PSMA1: variants seen among roughly 807,000 people sequenced by gnomAD.
The protein encoded by PSMA1 is proteasome 20S subunit alpha 1, also known as proteasome subunit alpha type-1.
In PSMA1, 3 loss-of-function variants were observed where a neutral mutation model predicts 38.4. The ratio of observed to expected loss-of-function variants is 0.08; its 90% CI spans 0.04 to 0.20. The LOEUF is 0.20. Ranked by LOEUF, PSMA1 falls within the 10% of genes least tolerant of loss-of-function variation. The probability of loss-of-function intolerance (pLI) is 1.00; values close to 1 mark genes in which losing one functional copy is unlikely to be tolerated. For missense variants in PSMA1, 227 were observed against 325.3 expected (o/e 0.70, Z 2.32); for synonymous variants, 101 against 107.1 (o/e 0.94, Z 0.35).
At chr11:14,507,233 A>T (rs1851258670) in intron 9 of PSMA1, among the ~76,000 whole-genome samples, 1 of 150,704 alleles carries the variant, frequency 6.6e-6, no homozygotes. Context: ...CAGTGGTAGG[A>T]TCTCAGCTCA....
At chr11:14,513,507 T>C in intron 7 of PSMA1, 63 bp downstream of exon 7, 1 of 1,304,114 alleles carries the variant, frequency 7.7e-7, no homozygotes, top group Non-Finnish European at 9.8e-7. Flanking sequence ...ATACTATGTT[T>C]ATTTACTATA....
chr11:14,537,999 G>A (rs935413143), intron 2 of PSMA1, among the ~76,000 whole-genome samples: 2 of 152,052 alleles, frequency 1.3e-5, no homozygotes, highest in African/African-American at 4.8e-5. Flanking sequence ...GTGAGCCACC[G>A]CGCCTGGCCT....
chr11:14,533,893 T>C (rs943953546), intron 2 of PSMA1, among the ~76,000 whole-genome samples: 5 of 151,382 alleles, frequency 3.3e-5, no homozygotes, highest in African/African-American at 1.2e-4. Context: ...AAAATTAATA[T>C]CTCAAGGCTG....
chr11:14,566,992 C>T (rs1852079971), intron 2 of PSMA1, among the ~76,000 whole-genome samples: 1 of 152,180 alleles, frequency 6.6e-6, no homozygotes, highest in Admixed American at 6.5e-5. Context: ...CATGTAGAGT[C>T]AGGCTGGAAT....
chr11:14,575,521 G>T (rs984841379), intron 2 of PSMA1, among the ~76,000 whole-genome samples: 2 of 151,282 alleles, frequency 1.3e-5, no homozygotes, highest in Non-Finnish European at 2.9e-5. Flanking sequence ...TTGGTTTTCT[G>T]TCCTTGGGAT....
intron 2 of PSMA1, among the ~76,000 whole-genome samples, chr11:14,535,650 G>C (rs1161000301): frequency 6.6e-6 from 1 of 151,700 alleles, no homozygotes; most frequent in African/African-American, 2.4e-5. Flanking sequence ...TCTCCATTTT[G>C]GTCAGGCTGG....
At chr11:14,538,960 T>A (rs1170270851) in intron 2 of PSMA1, among the ~76,000 whole-genome samples, 1 of 152,240 alleles carries the variant, frequency 6.6e-6, no homozygotes, top group Non-Finnish European at 1.5e-5. Flanking sequence ...TGACCATGCA[T>A]GGATTTAAGT....
At chr11:14,558,716 G>A (rs987539059) in intron 2 of PSMA1, among the ~76,000 whole-genome samples, 2 of 152,238 alleles carry the variant, frequency 1.3e-5, no homozygotes, top group Admixed American at 1.3e-4. Context: ...TGATTTAGAA[G>A]TGCACAGGAG....
intron 1 of PSMA1, among the ~76,000 whole-genome samples, chr11:14,638,766 G>A (rs1165904224): frequency 6.7e-6 from 1 of 149,706 alleles, no homozygotes; most frequent in African/African-American, 2.5e-5. Context: ...GTAGTGAGGT[G>A]GTTTTGTGGC....
intron 2 of PSMA1, among the ~76,000 whole-genome samples, chr11:14,576,420 A>G (rs993906791): frequency 2.0e-5 from 3 of 152,294 alleles, no homozygotes; most frequent in Non-Finnish European, 2.9e-5. Context: ...TAGGTCTAAC[A>G]TTTAAGTCTT....
rs114989716 is a variant in PSMA1 at position 14,515,007 on chromosome 11, C to T, written c.255-516G>A. On this transcript the variant is annotated intron_variant, in intron 4 of 9. Coordinates refer to ENST00000396394, the MANE Select transcript of PSMA1 (RefSeq NM_002786.4). ...TCTAGAGGAGATACTGGACACTAGC[C>T]GCTGAGTCTCACTGTTAAATCTGAT... Among the ~76,000 whole-genome samples the T allele has an allele frequency of 6.2e-3, 949 of 152,268 alleles. 9 individuals are homozygous for T. The highest frequency in any genetic ancestry group is 0.022 in the African/African-American group (909 of 41,550).
intron 2 of PSMA1, among the ~76,000 whole-genome samples, chr11:14,525,427 C>T (rs2134156182): frequency 6.6e-6 from 1 of 152,238 alleles, no homozygotes; most frequent in African/African-American, 2.4e-5. Context: ...TCTAATCACC[C>T]TTACCCCGCT....
chr11:14,567,569 T>C (rs965370806), intron 2 of PSMA1, among the ~76,000 whole-genome samples: 1 of 152,244 alleles, frequency 6.6e-6, no homozygotes, highest in Non-Finnish European at 1.5e-5. Flanking sequence ...ATTTGCCTAC[T>C]TGCCAAAATT....
chr11:14,607,267 A>T (rs1284000106), intron 2 of PSMA1, among the ~76,000 whole-genome samples: 2 of 152,182 alleles, frequency 1.3e-5, no homozygotes, highest in Non-Finnish European at 2.9e-5. Flanking sequence ...CTTTTAATAC[A>T]TTGGGCTTGA....
At chr11:14,586,790 C>G (rs1852351472) in intron 2 of PSMA1, among the ~76,000 whole-genome samples, 1 of 151,564 alleles carries the variant, frequency 6.6e-6, no homozygotes, top group Non-Finnish European at 1.5e-5. Flanking sequence ...TAGATGGAGT[C>G]TTGCTCTGTC....
intron 2 of PSMA1, among the ~76,000 whole-genome samples, chr11:14,555,265 A>G (rs976230401): frequency 2.0e-5 from 3 of 152,256 alleles, no homozygotes; most frequent in African/African-American, 4.8e-5. Flanking sequence ...GCTTGCTGCT[A>G]AAAAGCTCAG....
intron 1 of PSMA1, among the ~76,000 whole-genome samples, chr11:14,627,081 C>T (rs1337179463): frequency 6.6e-6 from 1 of 152,104 alleles, no homozygotes; most frequent in Non-Finnish European, 1.5e-5. Flanking sequence ...GTCTCTTCCT[C>T]TTCTTATAAG....
chr11:14,562,613 C>G (rs1852022353), intron 2 of PSMA1, among the ~76,000 whole-genome samples: 2 of 151,644 alleles, frequency 1.3e-5, no homozygotes, highest in Admixed American at 1.3e-4. Flanking sequence ...AATAAATATG[C>G]TTCTATTCAT....
intron 1 of PSMA1, among the ~76,000 whole-genome samples, chr11:14,626,864 T>C (rs886624000): frequency 6.6e-6 from 1 of 152,202 alleles, no homozygotes; most frequent in African/African-American, 2.4e-5. Context: ...ACTGTATTAC[T>C]CTACTAGGGC....
Sources: allele counts gnomAD v4.1 joint callset (sites outside exome capture counted in the v4.1 genomes callset), GRCh38; gene constraint gnomAD v4.1.1; transcripts MANE v1.5; gene names NCBI Gene and HGNC (gene_info 2026-07-23, HGNC 2026-07-21).